The following CEMIP2 variants were observed in gnomAD, a reference collection of about 807,000 sequenced individuals.
CEMIP2 encodes the protein cell surface hyaluronidase CEMIP2.
Under a neutral mutation model 146.9 loss-of-function variants are expected in CEMIP2, and 79 were observed. The ratio of observed to expected loss-of-function variants is 0.54; its 90% confidence interval spans 0.45 to 0.65. The LOEUF (loss-of-function observed/expected upper bound fraction) is 0.65, where lower values mean the gene tolerates loss of function less well. CEMIP2 is among the 30% of genes least tolerant of loss of function. The pLI is 0.00. For synonymous variants in CEMIP2, 601 were observed against 606.3 expected (o/e 0.99, Z 0.13); for missense variants, 1,596 against 1,696.2 (o/e 0.94, Z 1.04).
In CEMIP2 at chr9:71,695,122, T is replaced by C. The variant is rs149808011; in HGVS notation, c.3598-515A>G. On this transcript the variant is annotated intron_variant, in intron 20 of 23. Transcript: ENST00000377044. ...TTATAGACAGGCCCCTATTTTTCCC[T>C]GTGCTGTTACACTCAGGCAGGGCCT... 5.7e-3 allele frequency among the ~76,000 whole-genome samples: 861 copies of C among 152,258 alleles called. 8 individuals are homozygous for C. The highest frequency in any genetic ancestry group is 0.02 in the African/African-American group (812 of 41,548).
chr9:71,746,154 A>G, intron 3 of CEMIP2, 47 bp downstream of exon 3: 1 of 1,591,344 alleles, frequency 6.3e-7, no homozygotes, highest in Non-Finnish European at 8.6e-7. Context: ...TATCCCCCAC[A>G]TTAAAGAGCA....
intron 18 of CEMIP2, among the ~76,000 whole-genome samples, chr9:71,703,157 G>A (rs957008553): frequency 1.3e-5 from 2 of 152,298 alleles, no homozygotes; most frequent in Middle Eastern, 3.4e-3. Context: ...GGCAAGAGAT[G>A]GTGAGGGCTT....
At chr9:71,762,017 C>A (rs1394388798) in intron 1 of CEMIP2, among the ~76,000 whole-genome samples, 2 of 143,758 alleles carry the variant, frequency 1.4e-5, no homozygotes, top group African/African-American at 4.9e-5. Context: ...CGACACGTTG[C>A]CCAATAGTGA....
At chr9:71,709,520 C>G in intron 16 of CEMIP2, 46 bp from the exon 17 acceptor site, 2 of 1,523,726 alleles carry the variant, frequency 1.3e-6, no homozygotes, top group Non-Finnish European at 1.8e-6. Context: ...AGGGCTCCTG[C>G]TATCTCAGCA....
At chr9:71,733,426 T>C (rs552861784) in intron 6 of CEMIP2, among the ~76,000 whole-genome samples, 1 of 152,182 alleles carries the variant, frequency 6.6e-6, no homozygotes, top group Non-Finnish European at 1.5e-5. Flanking sequence ...GATGGTATCA[T>C]AGTTTTGGGG....
Position 71,684,881 on chromosome 9 carries a change from C to T in CEMIP2, c.*316G>A. ...TGACTCTCAGAAGCCCCCACTCCAC[C>T]CCACCCCATTATACAAAAAGTAAAA... is the stretch of plus-strand genomic sequence containing the variant. On this transcript the variant is annotated 3_prime_UTR_variant, in exon 24 of 24. Coordinates refer to ENST00000377044, the MANE Select transcript of CEMIP2 (RefSeq NM_013390.3). The T allele has an allele frequency of 4.2e-6, 1 of 237,306 alleles. No individual in the cohort carries two copies. The highest frequency in any genetic ancestry group is 8.1e-6 in the Non-Finnish European group (1 of 124,034). 14.7% of individuals were successfully genotyped at this position (237,306 alleles called of 1,614,324 possible).
At chr9:71,710,518 G>A (rs772755096) in intron 16 of CEMIP2, among the ~76,000 whole-genome samples, 2 of 152,146 alleles carry the variant, frequency 1.3e-5, no homozygotes, top group African/African-American at 2.4e-5. Context: ...TTTGCAAACC[G>A]CTCCTTTTAT....
intron 11 of CEMIP2, 28 bp from the exon 12 acceptor site, chr9:71,722,543 T>C (rs1589145230): frequency 6.6e-7 from 1 of 1,517,588 alleles, no homozygotes; most frequent in African/African-American, 1.4e-5. Flanking sequence ...TGGACTGGAA[T>C]GAATATGAAT....
At position 71,684,934 on chromosome 9, in the gene CEMIP2, G is replaced by A. The variant is rs986156880; in HGVS notation, c.*263C>T. 1.5e-5 allele frequency: 6 copies of A among 392,292 alleles called. No homozygotes were observed. Among genetic ancestry groups the A allele is most frequent in the Admixed American group, 4.3e-5 (1 of 23,184 alleles). The allele number at this position is 392,292 out of a possible 1,614,324, so 24.3% of individuals were successfully genotyped here. ...ATTGCTCATGGTCATTACAAAATAC[G>A]GGGGTGGAAAGTGAGGAATAAGAGA... is the stretch of plus-strand genomic sequence containing the variant. On this transcript the variant is annotated 3_prime_UTR_variant, in exon 24 of 24. Transcript: ENST00000377044.
At chr9:71,721,119 G>A (rs1823219800) in intron 12 of CEMIP2, among the ~76,000 whole-genome samples, 1 of 151,642 alleles carries the variant, frequency 6.6e-6, no homozygotes, top group Non-Finnish European at 1.5e-5. Flanking sequence ...AGTTTTTAAG[G>A]CAGGGAAGAG....
chr9:71,698,237 G>T, intron 19 of CEMIP2, 33 bp from the exon 20 acceptor site: 3 of 1,583,062 alleles, frequency 1.9e-6, no homozygotes, highest in South Asian at 2.3e-5. Context: ...CATGTAGTTA[G>T]ACTTATTCTC....
Position 71,716,566 on chromosome 9 carries a change from G to A in CEMIP2, c.2400-14C>T. On this transcript the variant is annotated splice_polypyrimidine_tract_variant and intron_variant, in intron 13 of 23. Transcript: ENST00000377044. ...TTATCTGCAAATCTGTAAAAGAAGA[G>A]AGAATGAAGAACATTTTAATTTACC... is the stretch of plus-strand genomic sequence containing the variant. 1 of 1,583,268 alleles carries A rather than the reference G, an allele frequency of 6.3e-7. No individual in the cohort carries two copies. Among genetic ancestry groups the A allele is most frequent in the East Asian group, 2.2e-5 (1 of 44,472 alleles).
In CEMIP2 at chr9:71,715,185, TA is replaced by T. The variant is rs1402806722; in HGVS notation, c.2436-97del. 24 of 1,390,310 alleles carry T rather than the reference TA, an allele frequency of 1.7e-5. No individual in the cohort carries two copies. The East Asian group carries it at 5.7e-4, about 33-fold the overall frequency. 86.1% of individuals were successfully genotyped at this position (1,390,310 alleles called of 1,614,324 possible). Reference sequence around the variant, plus strand: ...GCTATAACTGAAAAGCTAAAAGTTTTAAAAGAAGTCAATAGCTTTTCTAATA... The same window carrying T: ...GCTATAACTGAAAAGCTAAAAGTTTTAAAGAAGTCAATAGCTTTTCTAATA... On this transcript the variant is annotated intron_variant, in intron 14 of 23. Coordinates refer to ENST00000377044, the MANE Select transcript of CEMIP2 (RefSeq NM_013390.3).
chr9:71,725,712 A>T lies in CEMIP2; in HGVS notation c.2050-3T>A. 3.7e-6 allele frequency: 6 copies of T among 1,611,844 alleles called. No homozygotes were observed. Among genetic ancestry groups the T allele is most frequent in the Non-Finnish European group, 5.1e-6 (6 of 1,179,030 alleles). On this transcript the variant is annotated splice_polypyrimidine_tract_variant and splice_region_variant and intron_variant, in intron 10 of 23. Transcript: ENST00000377044. ...AATAAATACCATATTCCAGCATCCT[A>T]CAAATGAAAGGACAAGCCCATTAAA...
At chr9:71,693,074 C>T (rs1475761150) in intron 21 of CEMIP2, among the ~76,000 whole-genome samples, 2 of 152,090 alleles carry the variant, frequency 1.3e-5, no homozygotes, top group Non-Finnish European at 2.9e-5. Context: ...CACTGAACTG[C>T]CCACTTGAGA....
At chr9:71,719,811 C>T (rs1394976551) in intron 12 of CEMIP2, among the ~76,000 whole-genome samples, 7 of 126,390 alleles carry the variant, frequency 5.5e-5, no homozygotes, top group Admixed American at 1.0e-4. Context: ...GGAAGAGTTC[C>T]GGAACGGAGA....
At position 71,732,272 on chromosome 9, in the gene CEMIP2, G is replaced by A. The variant is rs988870206; in HGVS notation, c.1563+79C>T. On this transcript the variant is annotated intron_variant, in intron 7 of 23. Transcript: ENST00000377044. ...TGCTTTTAATATCCATTTATATCTT[G>A]TTCCAAAACTTGACAGTTTCTTCAA... is the stretch of plus-strand genomic sequence containing the variant. 1.6e-5 allele frequency: 22 copies of A among 1,403,762 alleles called. No homozygotes were observed. In the African/African-American group the frequency reaches 2.9e-4, roughly 18 times the overall value. 87.0% of individuals were successfully genotyped at this position (1,403,762 alleles called of 1,614,324 possible). A position where few individuals can be genotyped will look rare whatever the true frequency, so the allele number is the denominator to read the frequency against.
chr9:71,766,105 A>G (rs1345663067), intron 1 of CEMIP2, among the ~76,000 whole-genome samples: 1 of 146,072 alleles, frequency 6.8e-6, no homozygotes, highest in Non-Finnish European at 1.5e-5. Flanking sequence ...TCTCGTTCCC[A>G]TCACCTAGGT....
intron 20 of CEMIP2, among the ~76,000 whole-genome samples, chr9:71,696,498 C>T (rs1822408222): frequency 1.3e-5 from 2 of 151,290 alleles, no homozygotes; most frequent in Admixed American, 1.3e-4. Flanking sequence ...TTGGCCAGTG[C>T]AGAGGCTTAC....
Sources: allele counts gnomAD v4.1 joint callset (sites outside exome capture counted in the v4.1 genomes callset), GRCh38; gene constraint gnomAD v4.1.1; transcripts MANE v1.5; gene names NCBI Gene and HGNC (gene_info 2026-07-23, HGNC 2026-07-21).